The following PACRG variants were observed in gnomAD, a reference collection of about 807,000 sequenced individuals.
PACRG encodes the protein parkin coregulated, also known as parkin coregulated gene protein.
Under a neutral mutation model 29.7 loss-of-function variants are expected in PACRG, and 29 were observed. The ratio of observed to expected loss-of-function variants is 0.98; its 90% CI spans 0.73 to 1.33. PACRG has a LOEUF of 1.33. Ranked by LOEUF, PACRG falls within the 40% of genes most tolerant of loss-of-function variation. PACRG has a pLI of 0.00. For synonymous variants in PACRG, 116 were observed against 118.7 expected, an observed-to-expected ratio of 0.98 and a Z score of 0.15; for missense variants, 279 against 316.2, an observed-to-expected ratio of 0.88 and a Z score of 0.89.
intron 4 of PACRG, among the ~76,000 whole-genome samples, chr6:163,271,806 T>C (rs1011134814): frequency 2.0e-5 from 3 of 152,200 alleles, no homozygotes; most frequent in African/African-American, 7.2e-5. Flanking sequence ...CTAATTACAA[T>C]TAAAAACCTG....
chr6:163,084,120 G>C (rs73593703), intron 3 of PACRG, among the ~76,000 whole-genome samples: 1 of 152,072 alleles, frequency 6.6e-6, no homozygotes, highest in East Asian at 1.9e-4. Flanking sequence ...GAATAGAAAG[G>C]TTCCATTTGT....
At chr6:163,270,639 C>T (rs1381518446) in intron 4 of PACRG, among the ~76,000 whole-genome samples, 1 of 152,094 alleles carries the variant, frequency 6.6e-6, no homozygotes, top group Non-Finnish European at 1.5e-5. Flanking sequence ...TCCCAAAGTG[C>T]CGGGATTACA....
intron 2 of PACRG, among the ~76,000 whole-genome samples, chr6:162,935,136 T>G (rs76097168): frequency 0.015 from 2,282 of 152,308 alleles, 68 homozygotes; most frequent in African/African-American, 0.051. Context: ...CTTTGACTTT[T>G]GATAGTTTAA....
chr6:162,957,231 G>T, intron 2 of PACRG: 1 of 434,454 alleles, frequency 2.3e-6, no homozygotes, highest in Non-Finnish European at 4.4e-6. Flanking sequence ...CACTTTCACA[G>T]CTTCAACACT....
At chr6:163,080,123 C>A (rs1314662579) in intron 3 of PACRG, among the ~76,000 whole-genome samples, 1 of 151,966 alleles carries the variant, frequency 6.6e-6, no homozygotes, top group Non-Finnish European at 1.5e-5. Context: ...TGGTCTCGAT[C>A]TGGTGACCTC....
At chr6:163,003,648 A>AT (rs1468039066) in intron 2 of PACRG, among the ~76,000 whole-genome samples, 1 of 152,106 alleles carries the variant, frequency 6.6e-6, no homozygotes, top group Non-Finnish European at 1.5e-5. Flanking sequence ...CTCCCCAGGA[A>AT]TTTTTTGGCT....
chr6:162,732,108 C>T (rs780511375), intron 1 of PACRG, among the ~76,000 whole-genome samples: 1 of 152,160 alleles, frequency 6.6e-6, no homozygotes, highest in African/African-American at 2.4e-5. Flanking sequence ...CTTTCATTCT[C>T]ATCCAACTGG....
intron 4 of PACRG, among the ~76,000 whole-genome samples, chr6:163,209,377 G>A (rs1196405935): frequency 6.6e-6 from 1 of 152,224 alleles, no homozygotes; most frequent in East Asian, 1.9e-4. Flanking sequence ...GATGGGCAAG[G>A]TTGAAAGTAG....
At position 163,055,301 on chromosome 6, in the gene PACRG, GAC is replaced by G. The variant is rs1055245194; in HGVS notation, c.292-6841_292-6840del. Among the ~76,000 whole-genome samples the G allele has an allele frequency of 6.6e-6, 1 of 151,862 alleles. No individual in the cohort carries two copies. Among genetic ancestry groups the G allele is most frequent in the African/African-American group, 2.4e-5 (1 of 41,318 alleles). Reference sequence around the variant, plus strand: ...AAAGAGAAGTCAGATATATTATTAAGACACACACATGCACACATATCCAGGTG... The same window carrying G: ...AAAGAGAAGTCAGATATATTATTAAGACACACATGCACACATATCCAGGTG... On this transcript the variant is annotated intron_variant, in intron 2 of 4. Transcript: ENST00000366888. The surrounding 1 kb of genome is among the most constrained non-coding windows in gnomAD (Gnocchi z 4.0).
intron 2 of PACRG, among the ~76,000 whole-genome samples, chr6:162,919,459 C>T (rs1030271224): frequency 1.2e-4 from 18 of 152,226 alleles, no homozygotes; most frequent in Non-Finnish European, 2.4e-4. Context: ...TCCAGAAAAA[C>T]GTTTCTCGTA....
intron 2 of PACRG, chr6:162,957,497 C>T: frequency 2.4e-6 from 1 of 421,152 alleles, no homozygotes; most frequent in Non-Finnish European, 4.6e-6. Context: ...GTAGTCAATT[C>T]TATTACAAGG....
At chr6:163,140,087 A>C (rs1205935567) in intron 4 of PACRG, among the ~76,000 whole-genome samples, 1 of 152,152 alleles carries the variant, frequency 6.6e-6, no homozygotes, top group Non-Finnish European at 1.5e-5. Flanking sequence ...GCTCTCCATG[A>C]TGCTGCCTCG....
At chr6:162,781,139 A>T (rs149305396) in intron 1 of PACRG, among the ~76,000 whole-genome samples, 2 of 152,118 alleles carry the variant, frequency 1.3e-5, no homozygotes, top group East Asian at 3.9e-4. Flanking sequence ...CTTAACAGAC[A>T]TAGAAAAAAT....
At chr6:162,746,707 A>G (rs916442998) in intron 1 of PACRG, among the ~76,000 whole-genome samples, 1 of 152,198 alleles carries the variant, frequency 6.6e-6, no homozygotes, top group Non-Finnish European at 1.5e-5. Flanking sequence ...AGTGTCATAG[A>G]CATAGGAGAT....
chr6:163,178,194 G>A (rs1285835467), intron 4 of PACRG, among the ~76,000 whole-genome samples: 1 of 152,202 alleles, frequency 6.6e-6, no homozygotes, highest in Non-Finnish European at 1.5e-5. Context: ...AGTGCATGCA[G>A]AGGCAGGGTC....
intron 2 of PACRG, among the ~76,000 whole-genome samples, chr6:162,913,396 CT>C (rs1474128082): frequency 1.3e-5 from 2 of 152,198 alleles, no homozygotes; most frequent in East Asian, 1.9e-4. Flanking sequence ...ATAGTTCATT[CT>C]TTTTTATTGC....
chr6:162,862,965 T>G (rs1791988679), intron 2 of PACRG, among the ~76,000 whole-genome samples: 1 of 152,186 alleles, frequency 6.6e-6, no homozygotes, highest in Non-Finnish European at 1.5e-5. Flanking sequence ...AGCAGGTCAG[T>G]GATTAACAGG....
intron 2 of PACRG, among the ~76,000 whole-genome samples, chr6:162,974,031 G>C (rs4329088): frequency 6.6e-6 from 1 of 152,084 alleles, no homozygotes; most frequent in South Asian, 2.1e-4. Flanking sequence ...TGAAATGTTA[G>C]TGGAAAGTTC....
chr6:162,983,898 C>T (rs1051405425), intron 2 of PACRG, among the ~76,000 whole-genome samples: 3 of 152,092 alleles, frequency 2.0e-5, no homozygotes, highest in Non-Finnish European at 4.4e-5. Flanking sequence ...CCCTCAAATA[C>T]GTTTTCCAAG....
Sources: gnomAD v4.1 joint callset for allele counts (sites outside exome capture counted in the v4.1 genomes callset) on GRCh38, gnomAD v4.1.1 for gene constraint, Gnocchi (gnomAD v3.1) non-coding constraint, MANE v1.5 for transcripts, NCBI Gene and HGNC (gene_info 2026-07-23, HGNC 2026-07-21) for gene names.